The following ARHGAP12 variants were observed in gnomAD, a reference collection of about 807,000 sequenced individuals.
ARHGAP12 encodes the protein Rho GTPase activating protein 12.
A neutral mutation model predicts 108.6 loss-of-function variants in ARHGAP12; 64 were observed. The observed-to-expected ratio is 0.59, with a 90% confidence interval of 0.48 to 0.73. The LOEUF is 0.73. ARHGAP12 is among the 30% of genes least tolerant of loss of function. ARHGAP12 has a pLI of 0.00. For missense variants in ARHGAP12, 940 were observed against 1,005.9 expected (o/e 0.93, Z 0.89); for synonymous variants, 312 against 337.2 (o/e 0.93, Z 0.82).
At chr10:31,896,408 T>G (rs1330850774) in intron 3 of ARHGAP12, among the ~76,000 whole-genome samples, 1 of 152,060 alleles carries the variant, frequency 6.6e-6, no homozygotes, top group Non-Finnish European at 1.5e-5. Context: ...ATAATATGAT[T>G]CTAAGCTTTA....
intron 11 of ARHGAP12, among the ~76,000 whole-genome samples, chr10:31,822,912 C>T (rs970275959): frequency 4.6e-5 from 7 of 152,046 alleles, no homozygotes; most frequent in African/African-American, 9.7e-5. Context: ...CACCCTACCA[C>T]GCAAAGGACA....
rs1468908786 is a variant in ARHGAP12 at position 31,807,757 on chromosome 10, T to C, written c.2442A>G (p.Lys814=). 1 of 1,606,996 alleles carries C rather than the reference T, an allele frequency of 6.2e-7. No individual in the cohort carries two copies. The highest frequency in any genetic ancestry group is 8.5e-7 in the Non-Finnish European group (1 of 1,177,140). The change falls in exon 20 of 20, where the codon AAA becomes AAG. Residue 814 remains lysine, a synonymous_variant. Transcript: ENST00000344936. The part of the protein sequence containing the change: ...IAIVFGPTLL[K]PEKETGNIAV... ...CTATATTACCAGTCTCTTTTTCTGG[T>C]TTTAATAGAGTGGGACCAAAAACAA... is the stretch of plus-strand genomic sequence containing the variant.
intron 14 of ARHGAP12, among the ~76,000 whole-genome samples, chr10:31,813,480 C>T (rs1835091736): frequency 6.6e-6 from 1 of 151,984 alleles, no homozygotes; most frequent in Non-Finnish European, 1.5e-5. Flanking sequence ...AAGTTGAGAG[C>T]ATGAAGAATC....
At chr10:31,925,909 C>T (rs1840015818) in intron 1 of ARHGAP12, among the ~76,000 whole-genome samples, 1 of 152,186 alleles carries the variant, frequency 6.6e-6, no homozygotes, top group Non-Finnish European at 1.5e-5. Context: ...TTTCCTATTA[C>T]ATGTTAAAAT....
chr10:31,807,651 G>GT lies in ARHGAP12; in HGVS notation c.*6dup, dbSNP rs756915970. ...GCTTCTATTCCACAGGTTGTCTTCA[G>GT]TAAGAATCAACGTCCGAAGATGGAA... On this transcript the variant is annotated 3_prime_UTR_variant, in exon 20 of 20. Coordinates refer to ENST00000344936, the MANE Select transcript of ARHGAP12 (RefSeq NM_018287.7). 35 of 1,596,152 alleles carry GT rather than the reference G, an allele frequency of 2.2e-5. No homozygotes were observed. Among genetic ancestry groups the GT allele is most frequent in the Non-Finnish European group, 2.8e-5 (33 of 1,174,164 alleles).
chr10:31,873,149 A>G (rs1056759642), intron 3 of ARHGAP12, among the ~76,000 whole-genome samples: 2 of 152,238 alleles, frequency 1.3e-5, no homozygotes, highest in Non-Finnish European at 2.9e-5. Flanking sequence ...ATGAATTACA[A>G]TAATATATTT....
At chr10:31,813,115 T>A (rs913179668) in intron 14 of ARHGAP12, among the ~76,000 whole-genome samples, 1 of 152,168 alleles carries the variant, frequency 6.6e-6, no homozygotes, top group Admixed American at 6.5e-5. Flanking sequence ...CTCTAACATA[T>A]TCTTTATTTC....
At chr10:31,812,213 T>C (rs1046513820) in intron 15 of ARHGAP12, among the ~76,000 whole-genome samples, 2 of 151,832 alleles carry the variant, frequency 1.3e-5, no homozygotes, top group Non-Finnish European at 2.9e-5. Context: ...TATTTTCCTA[T>C]AAAAAAAAGA....
intron 10 of ARHGAP12, among the ~76,000 whole-genome samples, chr10:31,827,400 T>A (rs979959074): frequency 1.3e-5 from 2 of 152,212 alleles, no homozygotes; most frequent in African/African-American, 4.8e-5. Flanking sequence ...TTACCCTATA[T>A]AAGGACACAG....
At chr10:31,882,328 G>T (rs12247623) in intron 3 of ARHGAP12, among the ~76,000 whole-genome samples, 1,930 of 152,152 alleles carry the variant, frequency 0.013, 40 homozygotes, top group African/African-American at 0.044. Flanking sequence ...ATATCTAATG[G>T]TGTAATTACT....
intron 3 of ARHGAP12, among the ~76,000 whole-genome samples, chr10:31,887,005 C>G (rs1397961798): frequency 6.6e-6 from 1 of 152,148 alleles, no homozygotes; most frequent in African/African-American, 2.4e-5. Flanking sequence ...CAAGAGTTCT[C>G]CAGTGAAACA....
Position 31,908,407 on chromosome 10 carries a change from A to G in ARHGAP12, c.449T>C (p.Leu150Pro). The G allele has an allele frequency of 6.2e-7, 1 of 1,614,218 alleles. No homozygotes were observed. The highest frequency in any genetic ancestry group is 8.5e-7 in the Non-Finnish European group (1 of 1,180,042). The change falls in exon 3 of 20, where the codon CTG becomes CCG. Residue 150 changes from leucine (L) to proline (P), a missense_variant. By Grantham distance (98) the Leu-to-Pro change is moderately conservative (BLOSUM62 -3). Coordinates refer to ENST00000344936, the MANE Select transcript of ARHGAP12 (RefSeq NM_018287.7). ...YNQGQTVNLS[L>P]DLTHNNGKFN... ...CTTTCCGTTATTATGGGTCAGGTCC[A>G]GGCTTAGGTTGACAGTCTGACCTTG...
chr10:31,839,280 T>C (rs532678789), intron 9 of ARHGAP12, 25 bp downstream of exon 9: 8 of 1,603,818 alleles, frequency 5.0e-6, no homozygotes, highest in Admixed American at 3.4e-5. Flanking sequence ...CTATGCCTAT[T>C]AAGAAGGAGA....
intron 2 of ARHGAP12, among the ~76,000 whole-genome samples, 182 bp downstream of exon 2, chr10:31,910,343 C>T: frequency 6.6e-6 from 1 of 152,178 alleles, no homozygotes; most frequent in East Asian, 1.9e-4. Context: ...TTCTACACTA[C>T]AGGTGTAGTA....
chr10:31,878,078 T>C (rs927544633), intron 3 of ARHGAP12, among the ~76,000 whole-genome samples: 4 of 152,092 alleles, frequency 2.6e-5, no homozygotes, highest in Non-Finnish European at 5.9e-5. Flanking sequence ...AAATAAAAAA[T>C]AAAACATTTT....
chr10:31,833,537 C>A (rs1407347347), intron 9 of ARHGAP12, among the ~76,000 whole-genome samples: 2 of 152,114 alleles, frequency 1.3e-5, no homozygotes, highest in Admixed American at 1.3e-4. Context: ...AAGAAAAGGT[C>A]CAGAACTTTC....
chr10:31,882,630 T>C (rs996937284), intron 3 of ARHGAP12, among the ~76,000 whole-genome samples: 5 of 151,212 alleles, frequency 3.3e-5, no homozygotes, highest in Non-Finnish European at 7.4e-5. Flanking sequence ...CTAGCCAACA[T>C]GGTGAAACCC....
At chr10:31,907,037 TC>T (rs1839160163) in intron 3 of ARHGAP12, among the ~76,000 whole-genome samples, 1 of 152,140 alleles carries the variant, frequency 6.6e-6, no homozygotes, top group African/African-American at 2.4e-5. Context: ...TCTAAAGTCT[TC>T]CCTTTTTCCT....
Position 31,860,524 on chromosome 10 carries a change from C to T in ARHGAP12, c.948+871G>A, listed in dbSNP as rs140349173. Among the ~76,000 whole-genome samples the T allele has an allele frequency of 3.6e-3, 553 of 151,948 alleles. 4 individuals carry two copies. The highest frequency in any genetic ancestry group is 0.012 in the African/African-American group (514 of 41,442). The stretch of plus-strand genomic sequence containing the variant: ...GCAAGAGGTATGGAGGAAGGTGAAA[C>T]CAGAAGGAGAAAAAGAGTACAGACA... On this transcript the variant is annotated intron_variant, in intron 4 of 19. Transcript: ENST00000344936.
Sources: gnomAD v4.1 joint callset for allele counts (sites outside exome capture counted in the v4.1 genomes callset) on GRCh38, gnomAD v4.1.1 for gene constraint, MANE v1.5 for transcripts, NCBI Gene and HGNC (gene_info 2026-07-23, HGNC 2026-07-21) for gene names.